CNOT7: variants seen among roughly 807,000 people sequenced by gnomAD.
CNOT7 encodes BTG1-binding factor 1.
CNOT7 carries 4 observed loss-of-function variants against 37.1 expected under a neutral mutation model. The observed-to-expected ratio is 0.11, with a 90% CI of 0.05 to 0.25. CNOT7 has a LOEUF of 0.25. CNOT7 is among the 10% of genes least tolerant of loss of function. CNOT7 has a pLI of 1.00. For missense variants in CNOT7, 170 were observed against 336.2 expected, an observed-to-expected ratio of 0.51 and a Z score of 3.87; for synonymous variants, 128 against 115.6, an observed-to-expected ratio of 1.11 and a Z score of -0.69.
intron 3 of CNOT7, chr8:17,242,391 T>C (rs1378327661): frequency 6.6e-6 from 1 of 152,224 alleles, no homozygotes; most frequent in Non-Finnish European, 1.5e-5. Flanking sequence ...AGAAATATTA[T>C]AACTAAGGAA....
Position 17,228,321 on chromosome 8 carries a change from C to T in CNOT7, c.*2399G>A, listed in dbSNP as rs1808292295. 2 of 151,700 alleles carry T rather than the reference C, an allele frequency of 1.3e-5. No homozygotes were observed. Among genetic ancestry groups the T allele is most frequent in the African/African-American group, 2.4e-5 (1 of 41,350 alleles). 9.4% of individuals were successfully genotyped at this position (151,700 alleles called of 1,614,324 possible). On this transcript the variant is annotated 3_prime_UTR_variant, in exon 7 of 7. Coordinates refer to ENST00000361272, the MANE Select transcript of CNOT7 (RefSeq NM_013354.7). ...TCAGCCAAATATCTTACATCTGGAA[C>T]CTAGACTTTACAAACATTGAGACTG...
At chr8:17,241,137 G>C (rs991856036) in intron 3 of CNOT7, among the ~76,000 whole-genome samples, 2 of 152,146 alleles carry the variant, frequency 1.3e-5, no homozygotes, top group Non-Finnish European at 1.5e-5. Flanking sequence ...GTGCAATCTA[G>C]ATCACTATAG....
At position 17,245,176 on chromosome 8, in the gene CNOT7, A is replaced by T. The variant is rs1292184978; in HGVS notation, c.-24T>A. 1 of 1,585,854 alleles carries T rather than the reference A, an allele frequency of 6.3e-7. No individual in the cohort carries two copies. On this transcript the variant is annotated 5_prime_UTR_variant, in exon 2 of 7. Transcript: ENST00000361272. ...ATAGTGAGGGCACAAGGGAGTCTAG[A>T]TGCCAAGCATCAAAATGTTATACTT...
chr8:17,237,408 T>C (rs754785022), intron 3 of CNOT7, 35 bp from the exon 4 acceptor site: 1 of 1,601,816 alleles, frequency 6.2e-7, no homozygotes, highest in Non-Finnish European at 8.5e-7. Context: ...CATTCAAACA[T>C]GCCATTACTT....
At chr8:17,239,817 T>C (rs1809904846) in intron 3 of CNOT7, among the ~76,000 whole-genome samples, 1 of 152,228 alleles carries the variant, frequency 6.6e-6, no homozygotes, top group Non-Finnish European at 1.5e-5. Context: ...TGTTAAAAAT[T>C]TGTTTTAATC....
At position 17,230,675 on chromosome 8, in the gene CNOT7, A is replaced by G; in HGVS notation, c.*45T>C. 6.5e-7 allele frequency: 1 copy of G among 1,548,846 alleles called. No individual in the cohort carries two copies. The highest frequency in any genetic ancestry group is 1.2e-5 in the South Asian group (1 of 81,552). Reference sequence around the variant, plus strand: ...TCAACCAGAGATAAAACCTATATACAAGCATGTGTGTAGCTCGAAATAAAA... The same window carrying G: ...TCAACCAGAGATAAAACCTATATACGAGCATGTGTGTAGCTCGAAATAAAA... On this transcript the variant is annotated 3_prime_UTR_variant, in exon 7 of 7. Coordinates refer to ENST00000361272, the MANE Select transcript of CNOT7 (RefSeq NM_013354.7).
chr8:17,242,765 A>G, intron 3 of CNOT7: 1 of 346,836 alleles, frequency 2.9e-6, no homozygotes, highest in Non-Finnish European at 5.1e-6. Context: ...TTCCAAATAC[A>G]AAAAAAGCTG....
At chr8:17,242,284 T>G (rs1419457957) in intron 3 of CNOT7, 3 of 152,234 alleles carry the variant, frequency 2.0e-5, no homozygotes, top group African/African-American at 7.2e-5. Context: ...AAGAATGTAT[T>G]ATTTTATTTA....
intron 4 of CNOT7, among the ~76,000 whole-genome samples, chr8:17,236,869 C>A (rs1018416560): frequency 3.3e-5 from 5 of 152,272 alleles, no homozygotes; most frequent in African/African-American, 1.2e-4. Flanking sequence ...ATGGTTTCCC[C>A]CGTAGAACAT....
chr8:17,232,595 C>A (rs1326376443), intron 5 of CNOT7, 58 bp from the exon 6 acceptor site: 24 of 1,479,724 alleles, frequency 1.6e-5, no homozygotes, highest in African/African-American at 2.8e-5. Flanking sequence ...CCTAAATTCA[C>A]AAATTATAAA....
At position 17,230,639 on chromosome 8, in the gene CNOT7, G is replaced by A; in HGVS notation, c.*81C>T. The A allele has an allele frequency of 1.6e-6, 2 of 1,260,946 alleles. No homozygotes were observed. The highest frequency in any genetic ancestry group is 2.4e-5 in the Admixed American group (1 of 41,306). 78.1% of individuals were successfully genotyped at this position (1,260,946 alleles called of 1,614,324 possible). A position where few individuals can be genotyped will look rare whatever the true frequency, so the allele number is the denominator to read the frequency against. On this transcript the variant is annotated 3_prime_UTR_variant, in exon 7 of 7. Coordinates refer to ENST00000361272, the MANE Select transcript of CNOT7 (RefSeq NM_013354.7). ...AGGGGGGGGAAAGGTACTGTCTATT[G>A]TTCGAGGGATTCAACCAGAGATAAA...
At chr8:17,242,947 G>GC in intron 3 of CNOT7, 45 bp downstream of exon 3, 1 of 1,130,942 alleles carries the variant, frequency 8.8e-7, no homozygotes, top group Non-Finnish European at 1.2e-6. Context: ...TAAGATTAAA[G>GC]AAAAAAAAAA....
chr8:17,238,578 G>T (rs1285179952), intron 3 of CNOT7, among the ~76,000 whole-genome samples: 1 of 146,470 alleles, frequency 6.8e-6, no homozygotes, highest in African/African-American at 2.5e-5. Flanking sequence ...CAAAAAATTA[G>T]AATCTCATTC....
At chr8:17,232,322 T>C (rs974788415) in intron 6 of CNOT7, 105 bp downstream of exon 6, 10 of 1,585,328 alleles carry the variant, frequency 6.3e-6, no homozygotes, top group African/African-American at 5.4e-5. Flanking sequence ...TCTCTAATTA[T>C]ATCTTTACTT....
At chr8:17,237,062 C>T in intron 4 of CNOT7, 150 bp downstream of exon 4, 1 of 711,968 alleles carries the variant, frequency 1.4e-6, no homozygotes, top group Non-Finnish European at 2.3e-6. Context: ...AGCAGACCAA[C>T]ATTAGCCTCC....
intron 3 of CNOT7, chr8:17,242,720 A>AT (rs1246084554): frequency 7.6e-6 from 2 of 263,146 alleles, no homozygotes; most frequent in African/African-American, 2.2e-5. Context: ...ATGTAGGATT[A>AT]TTTTTTCTAT....
chr8:17,230,810 A>G lies in CNOT7; in HGVS notation c.768T>C (p.Cys256=), dbSNP rs749697279. The G allele has an allele frequency of 3.1e-6, 5 of 1,607,722 alleles. No homozygotes were observed. In the South Asian group the frequency reaches 4.4e-5, roughly 14 times the overall value. The part of the protein sequence containing the change: ...FEDHIDDAKY[C]GHLYGLGSGS... ...CAGAACCAAGGCCATACAAATGACC[A>G]CAATATTTGGCATCATCAATATGAT... Residue 256 remains cysteine (C), a synonymous_variant, in exon 7 of 7, where the codon TGT becomes TGC. Coordinates refer to ENST00000361272, the MANE Select transcript of CNOT7 (RefSeq NM_013354.7).
rs1462680655 is a variant in CNOT7 at position 17,225,695 on chromosome 8, C to A, written c.*5025G>T. ...CAGGATTTGGATGTGTACAGTCCTA[C>A]GTTTCTATAATGTCTTAATAGAAAA... On this transcript the variant is annotated 3_prime_UTR_variant, in exon 7 of 7. Transcript: ENST00000361272. The A allele has an allele frequency of 6.6e-6, 1 of 151,586 alleles. No homozygotes were observed. The highest frequency in any genetic ancestry group is 1.5e-5 in the Non-Finnish European group (1 of 67,670). 9.4% of individuals were successfully genotyped at this position (151,586 alleles called of 1,614,324 possible).
At chr8:17,231,916 G>A in intron 6 of CNOT7, 1 of 986,744 alleles carries the variant, frequency 1.0e-6, no homozygotes, top group African/African-American at 1.7e-5. Context: ...AAGACTCAAT[G>A]CAGTAAAAGA....
Sources: allele counts gnomAD v4.1 joint callset (sites outside exome capture counted in the v4.1 genomes callset), GRCh38; gene constraint gnomAD v4.1.1; transcripts MANE v1.5; gene names NCBI Gene and HGNC (gene_info 2026-07-23, HGNC 2026-07-21).